Variants in EFHC1 observed in about 807,000 individuals in gnomAD.
The protein encoded by EFHC1 is EF-hand domain-containing protein 1.
A neutral mutation model predicts 69.9 loss-of-function variants in EFHC1; 53 were observed. The ratio of observed to expected loss-of-function variants is 0.76; its 90% CI spans 0.61 to 0.95. The LOEUF (loss-of-function observed/expected upper bound fraction) is 0.95. Among genes scored for constraint, EFHC1 ranks in the 40% least tolerant of loss-of-function variants. EFHC1 has a pLI of 0.00. For synonymous variants in EFHC1, 256 were observed against 278.4 expected, an observed-to-expected ratio of 0.92 and a Z score of 0.80; for missense variants, 739 against 798.7, an observed-to-expected ratio of 0.93 and a Z score of 0.90.
intron 1 of EFHC1, 131 bp downstream of exon 1, chr6:52,420,604 C>T (rs984352070): frequency 3.5e-6 from 4 of 1,130,234 alleles, no homozygotes; most frequent in African/African-American, 1.5e-5. Context: ...CTGTCCTGAC[C>T]CTGTTCTTTA....
chr6:52,471,487 C>G (rs1018703870), intron 7 of EFHC1, among the ~76,000 whole-genome samples: 10 of 151,974 alleles, frequency 6.6e-5, no homozygotes, highest in Non-Finnish European at 5.9e-5. Context: ...TGTTCAGAAA[C>G]AAGACAAGAT....
At chr6:52,478,401 TG>T (rs1450586087) in intron 7 of EFHC1, among the ~76,000 whole-genome samples, 1 of 152,154 alleles carries the variant, frequency 6.6e-6, no homozygotes, top group Non-Finnish European at 1.5e-5. Flanking sequence ...AATGTGCACA[TG>T]TACCCTAAAA....
Position 52,420,431 on chromosome 6 carries a change from T to A in EFHC1, c.21T>A (p.His7Gln), listed in dbSNP as rs775530837. The A allele has an allele frequency of 6.8e-6, 11 of 1,614,228 alleles. No individual in the cohort carries two copies. Among genetic ancestry groups the A allele is most frequent in the Non-Finnish European group, 9.3e-6 (11 of 1,180,030 alleles). MVSNPVHGLPFLPGTSF... is the reference protein window; with the variant it reads MVSNPVQGLPFLPGTSF... ...CTGCAATGGTGTCCAATCCCGTGCA[T>A]GGCTTGCCCTTTCTTCCGGGCACGT... Residue 7 changes from histidine to glutamine, a missense_variant, in exon 1 of 11, where the codon CAT becomes CAA. His to Gln is a conservative substitution (Grantham distance 24). Transcript: ENST00000371068.
chr6:52,435,489 T>A (rs1050169936), intron 2 of EFHC1, among the ~76,000 whole-genome samples: 4 of 152,198 alleles, frequency 2.6e-5, no homozygotes, highest in Non-Finnish European at 5.9e-5. Context: ...CAAATTATCT[T>A]CTCCTTATGT....
intron 9 of EFHC1, chr6:52,483,173 T>C (rs1765715721): frequency 3.8e-6 from 1 of 262,274 alleles, no homozygotes; most frequent in Non-Finnish European, 7.1e-6. Flanking sequence ...AAGTTTGTAC[T>C]TTATGCAATT....
chr6:52,479,549 G>C, intron 8 of EFHC1, 91 bp from the exon 9 acceptor site: 2 of 1,561,220 alleles, frequency 1.3e-6, no homozygotes, highest in Admixed American at 3.3e-5. Context: ...ATGCATACCT[G>C]TGAATTTATC....
intron 2 of EFHC1, among the ~76,000 whole-genome samples, chr6:52,425,424 A>G (rs1419474097): frequency 3.3e-5 from 5 of 152,202 alleles, no homozygotes; most frequent in African/African-American, 1.2e-4. Flanking sequence ...AGTAACTGTT[A>G]TAAAGTAGAA....
chr6:52,435,869 C>G (rs1764521241), intron 2 of EFHC1, among the ~76,000 whole-genome samples: 1 of 152,190 alleles, frequency 6.6e-6, no homozygotes, highest in East Asian at 1.9e-4. Context: ...ACACAGATTC[C>G]TTCTTGGAAC....
At chr6:52,451,896 C>T (rs889342370) in intron 3 of EFHC1, among the ~76,000 whole-genome samples, 2 of 151,920 alleles carry the variant, frequency 1.3e-5, no homozygotes, top group African/African-American at 4.8e-5. Context: ...TAATCATATA[C>T]AGTATTTGTT....
chr6:52,457,966 TA>T (rs1765080949), intron 5 of EFHC1, among the ~76,000 whole-genome samples: 1 of 152,206 alleles, frequency 6.6e-6, no homozygotes, highest in African/African-American at 2.4e-5. Flanking sequence ...GAAACTACTA[TA>T]AGCCCCATAT....
At position 52,496,652 on chromosome 6, in the gene EFHC1, T is replaced by C. The variant is rs957213496; in HGVS notation, c.*4311T>C. 5.9e-5 allele frequency: 9 copies of C among 152,060 alleles called. No individual in the cohort carries two copies. The highest frequency in any genetic ancestry group is 5.2e-4 in the Admixed American group (8 of 15,250). 9.4% of individuals were successfully genotyped at this position (152,060 alleles called of 1,614,324 possible). On this transcript the variant is annotated 3_prime_UTR_variant, in exon 11 of 11. Coordinates refer to ENST00000371068, the MANE Select transcript of EFHC1 (RefSeq NM_018100.4). ...GTATCTCTAAATCTCTCACCATGAC[T>C]CCCCACAAAACATGAAACCCTTTTG...
intron 2 of EFHC1, among the ~76,000 whole-genome samples, chr6:52,434,291 A>G (rs1764480835): frequency 6.6e-6 from 1 of 152,130 alleles, no homozygotes; most frequent in Non-Finnish European, 1.5e-5. Context: ...GCCCTCCCCA[A>G]GTACCCCTGT....
rs536731375 is a variant in EFHC1 at position 52,446,860 on chromosome 6, C to A, written c.574-5828C>A. On this transcript the variant is annotated intron_variant, in intron 3 of 10. Coordinates refer to ENST00000371068, the MANE Select transcript of EFHC1 (RefSeq NM_018100.4). ...GATATGAAATTCTGGATTGAAAATTCTTTTCTTTAAGAATGTTGATTATTG... is the reference window on the plus strand; with the variant it reads ...GATATGAAATTCTGGATTGAAAATTATTTTCTTTAAGAATGTTGATTATTG... Among the ~76,000 whole-genome samples, 24 of 152,294 alleles carry A rather than the reference C, an allele frequency of 1.6e-4. No homozygotes were observed. In the South Asian group the frequency reaches 5.0e-3, roughly 32 times the overall value.
intron 3 of EFHC1, among the ~76,000 whole-genome samples, chr6:52,442,803 A>G (rs1490205897): frequency 2.0e-5 from 3 of 152,316 alleles, no homozygotes; most frequent in African/African-American, 7.2e-5. Context: ...TCCTTTGGGT[A>G]TATGCCCAGT....
intron 9 of EFHC1, among the ~76,000 whole-genome samples, chr6:52,480,948 C>T (rs896311381): frequency 1.3e-5 from 2 of 152,064 alleles, no homozygotes; most frequent in African/African-American, 4.8e-5. Context: ...ATGAAATGAG[C>T]CATTGGGAGC....
At chr6:52,424,935 G>C (rs973097020) in intron 2 of EFHC1, among the ~76,000 whole-genome samples, 1 of 152,148 alleles carries the variant, frequency 6.6e-6, no homozygotes, top group African/African-American at 2.4e-5. Context: ...TGATAAGTTA[G>C]CTTTCTTAAT....
At chr6:52,481,841 CTAA>C (rs1247377016) in intron 9 of EFHC1, 6 of 152,052 alleles carry the variant, frequency 3.9e-5, no homozygotes, top group African/African-American at 1.5e-4. Flanking sequence ...GTTAATGTAG[CTAA>C]AGAAAAGAAT....
chr6:52,424,007 G>A lies in EFHC1; in HGVS notation c.125G>A (p.Arg42His), dbSNP rs773598517. ...SYRNGYAIVRRPTVGIGGDRL... is the reference protein window; with the variant it reads ...SYRNGYAIVRHPTVGIGGDRL... The stretch of plus-strand genomic sequence containing the variant: ...AGGAACGGCTATGCAATTGTTCGAC[G>A]TCCAACAGTTGGGATAGGCGGAGAC... The change falls in exon 2 of 11, where the codon CGT becomes CAT. Residue 42 changes from arginine (R) to histidine (H), a missense_variant. Coordinates refer to ENST00000371068, the MANE Select transcript of EFHC1 (RefSeq NM_018100.4). 4.3e-6 allele frequency: 7 copies of A among 1,613,922 alleles called. No homozygotes were observed. The highest frequency in any genetic ancestry group is 1.6e-4 in the Middle Eastern group (1 of 6,084).
At chr6:52,462,785 G>A (rs538105443) in intron 5 of EFHC1, among the ~76,000 whole-genome samples, 8 of 151,596 alleles carry the variant, frequency 5.3e-5, no homozygotes, top group African/African-American at 1.9e-4. Context: ...CTACTTAGGA[G>A]GCTGAGGCAG....
Sources: gnomAD v4.1 joint callset for allele counts (sites outside exome capture counted in the v4.1 genomes callset) on GRCh38, gnomAD v4.1.1 for gene constraint, MANE v1.5 for transcripts, NCBI Gene and HGNC (gene_info 2026-07-23, HGNC 2026-07-21) for gene names.